ADAM33: variants seen among roughly 807,000 people sequenced by gnomAD.
ADAM33 encodes disintegrin and metalloproteinase domain-containing protein 33.
In ADAM33, 103 loss-of-function variants were observed where a neutral mutation model predicts 106.2. That is an observed-to-expected ratio of 0.97 (90% CI 0.83 to 1.14). ADAM33 has a LOEUF of 1.14. Among genes scored for constraint, ADAM33 ranks in the 50% most tolerant of loss-of-function variants. The pLI is 0.00. For missense variants in ADAM33, 1,120 were observed against 1,096.6 expected (o/e 1.02, Z -0.30); for synonymous variants, 483 against 453.0 (o/e 1.07, Z -0.84).
chr20:3,672,141 C>G lies in ADAM33; in HGVS notation c.1590G>C (p.Trp530Cys), dbSNP rs778148486. Residue 530 changes from tryptophan (W) to cysteine (C), a missense_variant, in exon 14 of 22, where the codon TGG becomes TGC. Coordinates refer to ENST00000356518, the MANE Select transcript of ADAM33 (RefSeq NM_025220.5). ...GTGCTCGTGTCCTCTCACCAGGCCCCCAGAGCTGCTGGCACTGCTGCTCCA... is the reference window on the plus strand; with the variant it reads ...GTGCTCGTGTCCTCTCACCAGGCCCGCAGAGCTGCTGGCACTGCTGCTCCA... ...PTLEQQCQQLWGPGSHPAPEA... is the reference protein window; with the variant it reads ...PTLEQQCQQLCGPGSHPAPEA... 8.1e-6 allele frequency: 13 copies of G among 1,610,824 alleles called. No homozygotes were observed. Among genetic ancestry groups the G allele is most frequent in the South Asian group, 1.1e-5 (1 of 90,864 alleles).
At position 3,669,038 on chromosome 20, in the gene ADAM33, G is replaced by C. The variant is rs775280544; in HGVS notation, c.2405-38C>G. ...AGGATATGTTGTCCCCTAAGGACTG[G>C]GGCCCCAGGCTGCAAGCTGTGTGGC... On this transcript the variant is annotated intron_variant, in intron 21 of 21. Coordinates refer to ENST00000356518, the MANE Select transcript of ADAM33 (RefSeq NM_025220.5). 11 of 1,612,436 alleles carry C rather than the reference G, an allele frequency of 6.8e-6. No homozygotes were observed. The Admixed American group carries it at 1.8e-4, about 27-fold the overall frequency.
Position 3,671,458 on chromosome 20 carries a change from C to T in ADAM33, c.1944G>A (p.Gln648=). The T allele has an allele frequency of 6.2e-7, 1 of 1,612,138 alleles. No homozygotes were observed. The highest frequency in any genetic ancestry group is 1.1e-5 in the South Asian group (1 of 91,034). The change falls in exon 17 of 22, where the codon CAG becomes CAA. Residue 648 remains glutamine (Q), a synonymous_variant. Coordinates refer to ENST00000356518, the MANE Select transcript of ADAM33 (RefSeq NM_025220.5). ...AGGCAGTCAGGCAGCGCTGAAGCTCCTGGAAGGCATTCTTCCTGCAGCGCC... is the reference window on the plus strand; with the variant it reads ...AGGCAGTCAGGCAGCGCTGAAGCTCTTGGAAGGCATTCTTCCTGCAGCGCC... The part of the protein sequence containing the change: ...QSRRCRKNAF[Q]ELQRCLTACH...
At position 3,673,436 on chromosome 20, in the gene ADAM33, G is replaced by T. The variant is rs770363600; in HGVS notation, c.1051C>A (p.Leu351Ile). The T allele has an allele frequency of 6.3e-7, 1 of 1,576,942 alleles. No homozygotes were observed. Among genetic ancestry groups the T allele is most frequent in the Non-Finnish European group, 8.6e-7 (1 of 1,167,690 alleles). The change falls in exon 11 of 22, where the codon CTC becomes ATC. Residue 351 changes from leucine to isoleucine, a missense_variant. By Grantham distance (5) the Leu-to-Ile change is conservative. Transcript: ENST00000356518. ...CCGTCGGGGTCGTGGCTGAGGCCGA[G>T]GCTGTGGCCGATCTCATGGGCCATG... ...ATMAHEIGHS[L>I]GLSHDPDGCC...
Position 3,674,557 on chromosome 20 carries a change from C to G in ADAM33, c.547G>C (p.Asp183His), listed in dbSNP as rs867925332. 1.5e-5 allele frequency: 25 copies of G among 1,613,680 alleles called. No homozygotes were observed. The Middle Eastern group carries it at 2.5e-3, about 160-fold the overall frequency. ...GTCATGCCCGCTTTGTTCCCAGGAT[C>G]CCTGTGGCCACAGGTTCCTTTCCAG... The part of the protein sequence containing the change: ...LTWKGTCGHR[D>H]PGNKAGMTSL... The change falls in exon 6 of 22, where the codon GAT becomes CAT. Residue 183 changes from aspartate (D) to histidine (H), a missense_variant. Coordinates refer to ENST00000356518, the MANE Select transcript of ADAM33 (RefSeq NM_025220.5).
In ADAM33 at chr20:3,679,484, G is replaced by A; in HGVS notation, c.177+8C>T. ...CCCCTGTGGAGGGCGGGGAGACATG[G>A]CACTGACCGGCTCCTCCAGGCTGAC... On this transcript the variant is annotated splice_region_variant and intron_variant, in intron 2 of 21. Coordinates refer to ENST00000356518, the MANE Select transcript of ADAM33 (RefSeq NM_025220.5). 2 of 1,603,926 alleles carry A rather than the reference G, an allele frequency of 1.2e-6. No individual in the cohort carries two copies. Among genetic ancestry groups the A allele is most frequent in the Non-Finnish European group, 1.7e-6 (2 of 1,175,158 alleles).
rs988267640 is a variant in ADAM33 at position 3,671,780 on chromosome 20, C to T, written c.1707-1G>A. Reference sequence around the variant, plus strand: ...CTGCAGCTTCCCACACAGGGCATCCCTGGGGAGGAAGTAGAGGGGGGTCAA... The same window carrying T: ...CTGCAGCTTCCCACACAGGGCATCCTTGGGGAGGAAGTAGAGGGGGGTCAA... On this transcript the variant is annotated splice_acceptor_variant, in intron 15 of 21. Transcript: ENST00000356518. LOFTEE classifies it high-confidence loss of function. 6.4e-7 allele frequency: 1 copy of T among 1,560,144 alleles called. No homozygotes were observed. The highest frequency in any genetic ancestry group is 2.4e-5 in the East Asian group (1 of 41,520).
chr20:3,671,514 G>A lies in ADAM33; in HGVS notation c.1906-18C>T. On this transcript the variant is annotated intron_variant, in intron 16 of 21. Coordinates refer to ENST00000356518, the MANE Select transcript of ADAM33 (RefSeq NM_025220.5). ...TGGCACACCTACGGGCAGTGCACCAGGCAGTGAGGGGGACACTGGCCTGCG... is the reference window on the plus strand; with the variant it reads ...TGGCACACCTACGGGCAGTGCACCAAGCAGTGAGGGGGACACTGGCCTGCG... 1.9e-6 allele frequency: 3 copies of A among 1,609,966 alleles called. No individual in the cohort carries two copies. The highest frequency in any genetic ancestry group is 2.5e-6 in the Non-Finnish European group (3 of 1,177,364).
In ADAM33 at chr20:3,673,842, G is replaced by T; in HGVS notation, c.808C>A (p.Arg270Ser). ...GTGGCGTTGGCGTCCTGCGTGACGC[G>T]GCTGCGGTCCCGCTCGGTCCACACC... ...LEVWTERDRS[R>S]VTQDANATLW... The change falls in exon 9 of 22, where the codon CGC becomes AGC. Residue 270 changes from arginine (R) to serine (S), a missense_variant. Arg to Ser is a moderately radical substitution (Grantham distance 110). Transcript: ENST00000356518. 1 of 1,567,278 alleles carries T rather than the reference G, an allele frequency of 6.4e-7. No homozygotes were observed. Among genetic ancestry groups the T allele is most frequent in the African/African-American group, 1.3e-5 (1 of 74,338 alleles).
Position 3,679,616 on chromosome 20 carries a change from CA to C in ADAM33, c.98-46del, listed in dbSNP as rs765756158. 21 of 1,547,996 alleles carry C rather than the reference CA, an allele frequency of 1.4e-5. 2 individuals carry two copies. In the South Asian group the frequency reaches 2.3e-4, roughly 17 times the overall value. ...CAGGGTGAGGGGGACCTGAGGAACA[CA>C]GGGGCATGGGACAAAGCAGAGGGAG... is the stretch of plus-strand genomic sequence containing the variant. On this transcript the variant is annotated intron_variant, in intron 1 of 21. Coordinates refer to ENST00000356518, the MANE Select transcript of ADAM33 (RefSeq NM_025220.5).
At chr20:3,677,815 T>C (rs1464991994) in intron 2 of ADAM33, among the ~76,000 whole-genome samples, 3 of 152,122 alleles carry the variant, frequency 2.0e-5, no homozygotes, top group African/African-American at 7.2e-5. Context: ...CAGCCCTCTC[T>C]CCTTCCCCCA....
Position 3,672,771 on chromosome 20 carries a change from C to A in ADAM33, c.1261G>T (p.Gly421Trp). Residue 421 changes from glycine (G) to tryptophan (W), a missense_variant, in exon 12 of 22, where the codon GGG (glycine) becomes TGG (tryptophan). By Grantham distance (184) the Gly-to-Trp change is radical. Coordinates refer to ENST00000356518, the MANE Select transcript of ADAM33 (RefSeq NM_025220.5). ...TCGCCCGCTTCCACGAAGCCGTTCC[C>A]GCAGAGCGCCGGCGGCACCGGGAGT... ...PGLPVPPALC[G>W]NGFVEAGEEC... The A allele has an allele frequency of 6.4e-7, 1 of 1,569,076 alleles. No homozygotes were observed. Among genetic ancestry groups the A allele is most frequent in the Non-Finnish European group, 8.6e-7 (1 of 1,157,304 alleles).
chr20:3,678,334 G>T (rs2088154402), intron 2 of ADAM33, among the ~76,000 whole-genome samples: 1 of 152,212 alleles, frequency 6.6e-6, no homozygotes, highest in African/African-American at 2.4e-5. Flanking sequence ...CTTCCTGGGG[G>T]CAGGGGCCCA....
At position 3,671,496 on chromosome 20, in the gene ADAM33, C is replaced by T. The variant is rs1348590188; in HGVS notation, c.1906G>A (p.Val636Met). 12 of 1,610,610 alleles carry T rather than the reference C, an allele frequency of 7.5e-6. No homozygotes were observed. The highest frequency in any genetic ancestry group is 1.1e-5 in the South Asian group (1 of 91,020). The change falls in exon 17 of 22, where the codon GTG (valine) becomes ATG (methionine). Residue 636 changes from valine (V) to methionine (M), a missense_variant and splice_region_variant. Physicochemically the swap from Val to Met is conservative, Grantham distance 21. Coordinates refer to ENST00000356518, the MANE Select transcript of ADAM33 (RefSeq NM_025220.5). ...EPGTQCGPRM[V>M]CQSRRCRKNA... ...TTCCTGCAGCGCCTGCTCTGGCACA[C>T]CTACGGGCAGTGCACCAGGCAGTGA...
At position 3,672,222 on chromosome 20, in the gene ADAM33, G is replaced by A. The variant is rs745403787; in HGVS notation, c.1509C>T (p.Asp503=). ...SHCPPDVYLL[D]GSPCARGSGY... is the part of the protein sequence containing the mutation. The stretch of plus-strand genomic sequence containing the variant: ...CACTGCCCCTGGCACAGGGTGAGCC[G>A]TCCAGTAGGTAAACGTCTGGGGGAC... The change falls in exon 14 of 22, where the codon GAC becomes GAT. Residue 503 remains aspartate (D), a synonymous_variant. Transcript: ENST00000356518. 6.2e-7 allele frequency: 1 copy of A among 1,613,452 alleles called. No individual in the cohort carries two copies.
chr20:3,672,149 G>A lies in ADAM33; in HGVS notation c.1582C>T (p.Gln528Ter), dbSNP rs1475886388. 6.2e-7 allele frequency: 1 copy of A among 1,611,650 alleles called. No individual in the cohort carries two copies. The highest frequency in any genetic ancestry group is 1.7e-5 in the Admixed American group (1 of 59,926). ...GTCCTCTCACCAGGCCCCCAGAGCT[G>A]CTGGCACTGCTGCTCCAGCGTGGGA... Reference protein sequence around the residue: ...ACPTLEQQCQQLWGPGSHPAP... With the variant: ...ACPTLEQQCQ Residue 528 changes from glutamine (Q) to a stop codon, truncating the protein, a stop_gained, in exon 14 of 22, where the codon CAG becomes TAG. Coordinates refer to ENST00000356518, the MANE Select transcript of ADAM33 (RefSeq NM_025220.5). LOFTEE classifies it high-confidence loss of function.
In ADAM33 at chr20:3,675,210, TGAGACACTCACAG is replaced by T; in HGVS notation, c.255-118_255-106del. ...AATGCTAATGGAGCAGCTTTATGAG[TGAGACACTCACAG>T]TGTGTCTTAGGGAAGGGACAGGAGC... On this transcript the variant is annotated intron_variant, in intron 3 of 21. Transcript: ENST00000356518. The surrounding 1 kb of genome is among the most constrained non-coding windows in gnomAD (Gnocchi z 4.1). 1 of 819,192 alleles carries T rather than the reference TGAGACACTCACAG, an allele frequency of 1.2e-6. No individual in the cohort carries two copies. Among genetic ancestry groups the T allele is most frequent in the Non-Finnish European group, 2.0e-6 (1 of 497,404 alleles). The allele number at this position is 819,192 out of a possible 1,614,324, so 50.7% of individuals were successfully genotyped here. A position where few individuals can be genotyped will look rare whatever the true frequency, so the allele number is the denominator to read the frequency against.
chr20:3,672,639 A>G lies in ADAM33; in HGVS notation c.1312-13T>C, dbSNP rs756943980. On this transcript the variant is annotated splice_polypyrimidine_tract_variant and intron_variant, in intron 12 of 21. Coordinates refer to ENST00000356518, the MANE Select transcript of ADAM33 (RefSeq NM_025220.5). ...GGTCGCGGCACTCCTGGGACCAGAA[A>G]GGCAAGAAGGGCCCAGGTGAGGGCG... 1 of 1,613,148 alleles carries G rather than the reference A, an allele frequency of 6.2e-7. No homozygotes were observed. Among genetic ancestry groups the G allele is most frequent in the Non-Finnish European group, 8.5e-7 (1 of 1,179,788 alleles).
intron 10 of ADAM33, 22 bp downstream of exon 10, chr20:3,673,552 C>T (rs774280889): frequency 2.9e-6 from 4 of 1,403,404 alleles, no homozygotes; most frequent in Non-Finnish European, 3.7e-6. Flanking sequence ...GTCTCTCCCT[C>T]GCCCCCGCCC....
chr20:3,680,331 G>T (rs1468677481), intron 1 of ADAM33, among the ~76,000 whole-genome samples: 1 of 152,100 alleles, frequency 6.6e-6, no homozygotes, highest in Non-Finnish European at 1.5e-5. Flanking sequence ...GCCTGCAGCA[G>T]CCCTCCTTCC....
Sources: gnomAD v4.1 joint callset for allele counts (sites outside exome capture counted in the v4.1 genomes callset) on GRCh38, gnomAD v4.1.1 for gene constraint, Gnocchi (gnomAD v3.1) non-coding constraint, MANE v1.5 for transcripts, NCBI Gene and HGNC (gene_info 2026-07-23, HGNC 2026-07-21) for gene names.